Variants in PSME4 observed in about 807,000 individuals in gnomAD.
The protein encoded by PSME4 is proteasome activator complex subunit 4.
Under a neutral mutation model 253.9 loss-of-function variants are expected in PSME4, and 89 were observed. That is an observed-to-expected ratio of 0.35 (90% confidence interval 0.30 to 0.42). The LOEUF is 0.42. Ranked by LOEUF, PSME4 falls within the 10% of genes least tolerant of loss-of-function variation. The probability of loss-of-function intolerance (pLI) is 1.00; values close to 1 mark genes in which losing one functional copy is unlikely to be tolerated. For synonymous variants in PSME4, 851 were observed against 759.2 expected, an observed-to-expected ratio of 1.12 and a Z score of -1.99; for missense variants, 2,014 against 2,195.2, an observed-to-expected ratio of 0.92 and a Z score of 1.65.
chr2:53,881,859 C>G (rs1679405963), intron 41 of PSME4, among the ~76,000 whole-genome samples: 1 of 152,152 alleles, frequency 6.6e-6, no homozygotes, highest in African/African-American at 2.4e-5. Context: ...GCTGGGATTA[C>G]AGGCGTGAGC....
chr2:53,898,889 T>C lies in PSME4; in HGVS notation c.3423-535A>G, dbSNP rs1460765059. 5.9e-5 allele frequency among the ~76,000 whole-genome samples: 9 copies of C among 152,156 alleles called. No homozygotes were observed. The South Asian group carries it at 1.4e-3, about 25-fold the overall frequency. On this transcript the variant is annotated intron_variant, in intron 29 of 46. Transcript: ENST00000404125. The stretch of plus-strand genomic sequence containing the variant: ...TTTATTAAAATCCTGATACCAAATT[T>C]GACCAATAAGTTATTACTATTATAA...
In PSME4 at chr2:53,970,657, C is replaced by G. The variant is rs1449271418; in HGVS notation, c.128G>C (p.Arg43Pro). Residue 43 changes from arginine to proline, a missense_variant, in exon 1 of 47, where the codon CGG (arginine) becomes CCG (proline). This residue lies in a region of PSME4 where 615 missense variants were observed against 594.4 expected (regional missense o/e 1.03). Coordinates refer to ENST00000404125, the MANE Select transcript of PSME4 (RefSeq NM_014614.3). ...CTGCAAGTCGGACTCGGCGTCTAGC[C>G]GCTCCGCGTAGGGCAGCAGCTTGTT... ...VYNKLLPYAE[R>P]LDAESDLQLA... The G allele has an allele frequency of 1.3e-6, 2 of 1,550,300 alleles. No individual in the cohort carries two copies. The highest frequency in any genetic ancestry group is 2.0e-5 in the Admixed American group (1 of 51,002).
intron 41 of PSME4, among the ~76,000 whole-genome samples, chr2:53,882,917 A>G (rs1330625605): frequency 2.6e-5 from 4 of 151,898 alleles, no homozygotes; most frequent in Admixed American, 2.6e-4. Context: ...AAATAAATAA[A>G]TAAGATAAAT....
At chr2:53,898,638 C>T (rs867730973) in intron 29 of PSME4, among the ~76,000 whole-genome samples, 2,929 of 131,382 alleles carry the variant, frequency 0.022, 64 homozygotes, top group East Asian at 0.13. Flanking sequence ...GAGTGGCACA[C>T]ACACACACAC....
rs61078234 is a variant in PSME4, at chr2:53,940,952, C to CATATTTAAATATATATATATAT, written c.501-953_501-952insATATATATATATATTTAAATAT. ...TAATACATATATAAATATATATATA[C>CATATTTAAATATATATATATAT]ATATATATATATATATATATATATA... is the stretch of plus-strand genomic sequence containing the variant. On this transcript the variant is annotated intron_variant, in intron 3 of 46. Coordinates refer to ENST00000404125, the MANE Select transcript of PSME4 (RefSeq NM_014614.3). Among the ~76,000 whole-genome samples, 17 of 24,030 alleles carry CATATTTAAATATATATATATAT rather than the reference C, an allele frequency of 7.1e-4. 2 individuals are homozygous for CATATTTAAATATATATATATAT. The highest frequency in any genetic ancestry group is 1.2e-3 in the East Asian group (1 of 850). The allele number at this position is 24,030 out of a possible 152,430, so 15.8% of individuals were successfully genotyped here. A position where few individuals can be genotyped will look rare whatever the true frequency, so the allele number is the denominator to read the frequency against.
intron 17 of PSME4, among the ~76,000 whole-genome samples, chr2:53,921,800 G>A (rs577050772): frequency 1.1e-3 from 150 of 139,222 alleles, no homozygotes; most frequent in African/African-American, 2.5e-3. Flanking sequence ...CCCGGGAGGC[G>A]GAGCTTGCAG....
In PSME4 at chr2:53,921,226, T is replaced by C. The variant is rs576871525; in HGVS notation, c.2047-122A>G. On this transcript the variant is annotated intron_variant, in intron 17 of 46. Coordinates refer to ENST00000404125, the MANE Select transcript of PSME4 (RefSeq NM_014614.3). ...TTCTCTAAATGACTTTAATTAATTTTAGGATTGTCACTTTAACTGCATTCT... is the reference window on the plus strand; with the variant it reads ...TTCTCTAAATGACTTTAATTAATTTCAGGATTGTCACTTTAACTGCATTCT... 3.6e-5 allele frequency: 52 copies of C among 1,425,086 alleles called. No homozygotes were observed. The South Asian group carries it at 6.8e-4, about 19-fold the overall frequency. 88.3% of individuals were successfully genotyped at this position (1,425,086 alleles called of 1,614,324 possible).
chr2:53,876,740 A>G (rs1322292162), intron 41 of PSME4, among the ~76,000 whole-genome samples: 3 of 45,992 alleles, frequency 6.5e-5, no homozygotes, highest in Non-Finnish European at 9.1e-5. Flanking sequence ...TTTTTTTGAG[A>G]CAGGGTCTTG....
At chr2:53,931,659 T>C (rs764497483) in intron 10 of PSME4, among the ~76,000 whole-genome samples, 176 bp downstream of exon 10, 22 of 152,322 alleles carry the variant, frequency 1.4e-4, no homozygotes, top group Middle Eastern at 3.4e-3. Context: ...TTTTTTTCTC[T>C]CCAATAAACC....
At chr2:53,959,351 C>T (rs928805970) in intron 1 of PSME4, among the ~76,000 whole-genome samples, 3 of 151,784 alleles carry the variant, frequency 2.0e-5, no homozygotes, top group South Asian at 2.1e-4. Flanking sequence ...AGTGACAGAG[C>T]GAGACTCTGT....
At chr2:53,966,834 G>A (rs1346973918) in intron 1 of PSME4, among the ~76,000 whole-genome samples, 1 of 152,032 alleles carries the variant, frequency 6.6e-6, no homozygotes, top group Admixed American at 6.6e-5. Context: ...TGAGTAGCTG[G>A]GATTAAAGGC....
intron 9 of PSME4, 130 bp downstream of exon 9, chr2:53,932,538 G>A: frequency 2.8e-6 from 2 of 713,784 alleles, no homozygotes; most frequent in East Asian, 5.3e-5. Context: ...TAATTTAAAT[G>A]TAAGCATTTA....
intron 3 of PSME4, among the ~76,000 whole-genome samples, chr2:53,940,952 C>CATATTTTTAT (rs61078234): frequency 2.9e-4 from 7 of 24,030 alleles, no homozygotes; most frequent in African/African-American, 9.7e-4. Context: ...TATATATATA[C>CATATTTTTAT]ATATATATAT....
intron 18 of PSME4, 30 bp from the exon 19 acceptor site, chr2:53,920,380 T>G (rs763803415): frequency 6.5e-7 from 1 of 1,537,682 alleles, no homozygotes; most frequent in African/African-American, 1.4e-5. Flanking sequence ...ACTCAGCAAG[T>G]TGAGAAATTA....
chr2:53,921,343 T>C (rs1668306329), intron 17 of PSME4, among the ~76,000 whole-genome samples: 1 of 151,750 alleles, frequency 6.6e-6, no homozygotes, highest in African/African-American at 2.4e-5. Context: ...GTCTATTCTA[T>C]TCAAGCAATT....
intron 24 of PSME4, 121 bp from the exon 25 acceptor site, chr2:53,906,989 G>A (rs1232594528): frequency 6.5e-6 from 5 of 774,524 alleles, no homozygotes; most frequent in South Asian, 1.8e-5. Flanking sequence ...GAGTGGTGGT[G>A]GTATTTCCTT....
In PSME4 at chr2:53,877,829, T is replaced by G. The variant is rs564818421; in HGVS notation, c.4816-2074A>C. ...GCATGATTCAGTTCTTTTTTTGTTA[T>G]GGGTATGCAAAGACATTTCATAATG... On this transcript the variant is annotated intron_variant, in intron 41 of 46. Transcript: ENST00000404125. Among the ~76,000 whole-genome samples the G allele has an allele frequency of 1.8e-4, 28 of 152,330 alleles. No individual in the cohort carries two copies. The South Asian group carries it at 5.2e-3, about 28-fold the overall frequency.
chr2:53,884,304 G>A (rs1274467710), intron 41 of PSME4, among the ~76,000 whole-genome samples: 7 of 151,960 alleles, frequency 4.6e-5, no homozygotes, highest in African/African-American at 1.2e-4. Context: ...TCCACCTCCC[G>A]GGTTCAAGCG....
At chr2:53,945,013 G>A (rs919552999) in intron 3 of PSME4, among the ~76,000 whole-genome samples, 5 of 152,092 alleles carry the variant, frequency 3.3e-5, no homozygotes, top group African/African-American at 9.7e-5. Flanking sequence ...TAGTAAACAA[G>A]TTATGTAGGC....
Sources: allele counts gnomAD v4.1 joint callset (sites outside exome capture counted in the v4.1 genomes callset), GRCh38; gene constraint gnomAD v4.1.1; regional missense constraint gnomAD v4.1.1; transcripts MANE v1.5; gene names NCBI Gene and HGNC (gene_info 2026-07-23, HGNC 2026-07-21).